Variants in PTAR1 observed in about 807,000 individuals in gnomAD.
PTAR1 encodes the protein protein prenyltransferase alpha subunit repeat containing 1, also known as protein prenyltransferase alpha subunit repeat-containing protein 1.
In PTAR1, 17 loss-of-function variants were observed where a neutral mutation model predicts 45.5. The ratio of observed to expected loss-of-function variants is 0.37; its 90% confidence interval spans 0.26 to 0.56. PTAR1 has a LOEUF of 0.56. PTAR1 is among the 20% of genes least tolerant of loss of function. The probability of loss-of-function intolerance (pLI) is 0.77; values close to 1 mark genes in which losing one functional copy is unlikely to be tolerated. For synonymous variants in PTAR1, 169 were observed against 171.3 expected (o/e 0.99, Z 0.11); for missense variants, 391 against 476.3 (o/e 0.82, Z 1.67).
intron 3 of PTAR1, among the ~76,000 whole-genome samples, chr9:69,739,793 T>G (rs1275544891): frequency 6.6e-6 from 1 of 152,216 alleles, no homozygotes; most frequent in Non-Finnish European, 1.5e-5. Context: ...TAAAATTTAC[T>G]AGAACACATA....
intron 5 of PTAR1, among the ~76,000 whole-genome samples, chr9:69,725,703 C>T (rs1396106359): frequency 2.0e-5 from 3 of 151,708 alleles, no homozygotes; most frequent in African/African-American, 7.3e-5. Flanking sequence ...TATAAAGATG[C>T]ATATTAGAAA....
intron 2 of PTAR1, among the ~76,000 whole-genome samples, chr9:69,746,974 TACC>T (rs1209591789): frequency 6.6e-6 from 1 of 152,182 alleles, no homozygotes; most frequent in Middle Eastern, 3.2e-3. Flanking sequence ...ACATTCAGGT[TACC>T]ACAAGAAGTG....
rs562475842 is a variant in PTAR1, at chr9:69,741,503, T to C, written c.323+289A>G. 2.7e-3 allele frequency: 923 copies of C among 338,104 alleles called. 5 individuals are homozygous for C. The highest frequency in any genetic ancestry group is 2.9e-3 in the Non-Finnish European group (528 of 181,286). The allele number at this position is 338,104 out of a possible 1,614,324, so 20.9% of individuals were successfully genotyped here. On this transcript the variant is annotated intron_variant, in intron 3 of 7. Coordinates refer to ENST00000340434, the MANE Select transcript of PTAR1 (RefSeq NM_001099666.2). ...CTTATAAGCCAACCAGTTATGCCCA[T>C]TGCCCATTAGTCTCCCACCCCAAAA...
Position 69,731,174 on chromosome 9 carries a change from C to T in PTAR1, c.642+965G>A, listed in dbSNP as rs568998005. On this transcript the variant is annotated intron_variant, in intron 5 of 7. Transcript: ENST00000340434. ...AAATCCTCTGGAAGTAAAAAGTCTC[C>T]CATTTGCCCTGGCCAGGAAACAAAG... 2.6e-5 allele frequency among the ~76,000 whole-genome samples: 4 copies of T among 152,146 alleles called. No homozygotes were observed. The East Asian group carries it at 7.7e-4, about 29-fold the overall frequency.
chr9:69,755,989 C>A (rs147801629), intron 1 of PTAR1, among the ~76,000 whole-genome samples: 1 of 152,172 alleles, frequency 6.6e-6, no homozygotes, highest in Non-Finnish European at 1.5e-5. Flanking sequence ...TAAGTCTACT[C>A]AGTTAATAAA....
Position 69,715,575 on chromosome 9 carries a change from G to C in PTAR1, c.*2767C>G, listed in dbSNP as rs961732041. On this transcript the variant is annotated 3_prime_UTR_variant, in exon 8 of 8. Transcript: ENST00000340434. ...TTAATCCACAGTAGGATGACCCACT[G>C]TTCTTCCAGTGAAAGTTTAATGAAA... 6.6e-6 allele frequency: 1 copy of C among 152,082 alleles called. No individual in the cohort carries two copies. The highest frequency in any genetic ancestry group is 1.5e-5 in the Non-Finnish European group (1 of 67,990). 9.4% of individuals were successfully genotyped at this position (152,082 alleles called of 1,614,324 possible). A position where few individuals can be genotyped will look rare whatever the true frequency, so the allele number is the denominator to read the frequency against.
At position 69,723,639 on chromosome 9, in the gene PTAR1, A is replaced by T. The variant is rs182078524; in HGVS notation, c.643-9T>A. On this transcript the variant is annotated splice_polypyrimidine_tract_variant and intron_variant, in intron 5 of 7. Coordinates refer to ENST00000340434, the MANE Select transcript of PTAR1 (RefSeq NM_001099666.2). ...AGTTCATCAAGAAGAATCTTTTAAG[A>T]AGAAAAAAGGGAAGTAAGAAGAAGA... 3.1e-6 allele frequency: 5 copies of T among 1,588,268 alleles called. No homozygotes were observed. The highest frequency in any genetic ancestry group is 3.5e-5 in the Admixed American group (2 of 56,768).
chr9:69,736,850 T>C (rs1159942243), intron 3 of PTAR1, among the ~76,000 whole-genome samples: 1 of 152,160 alleles, frequency 6.6e-6, no homozygotes, highest in Non-Finnish European at 1.5e-5. Flanking sequence ...TTAAGCAGCA[T>C]TTTTGGGAAG....
intron 1 of PTAR1, among the ~76,000 whole-genome samples, chr9:69,759,542 G>T (rs1465939914): frequency 6.6e-6 from 1 of 152,204 alleles, no homozygotes; most frequent in Non-Finnish European, 1.5e-5. Flanking sequence ...CAGGAAGGAT[G>T]TCGACCTACG....
At chr9:69,747,185 C>T (rs1290952457) in intron 2 of PTAR1, among the ~76,000 whole-genome samples, 1 of 152,244 alleles carries the variant, frequency 6.6e-6, no homozygotes, top group Admixed American at 6.5e-5. Flanking sequence ...AATAAACTCA[C>T]ATTCCAGCCA....
chr9:69,731,200 A>G (rs1373398626), intron 5 of PTAR1, among the ~76,000 whole-genome samples: 1 of 152,178 alleles, frequency 6.6e-6, no homozygotes, highest in East Asian at 1.9e-4. Flanking sequence ...GGAAACAAAG[A>G]GAGAAATGGG....
chr9:69,709,703 T>A lies in PTAR1; in HGVS notation c.*8639A>T, dbSNP rs771758761. On this transcript the variant is annotated 3_prime_UTR_variant, in exon 8 of 8. Coordinates refer to ENST00000340434, the MANE Select transcript of PTAR1 (RefSeq NM_001099666.2). ...TCTACTTTTCTGCCACTTATCACAG[T>A]GTAATAAGTGCCAGTAAGTCCTGGA... 23 of 152,078 alleles carry A rather than the reference T, an allele frequency of 1.5e-4. No homozygotes were observed. The highest frequency in any genetic ancestry group is 4.6e-4 in the Admixed American group (7 of 15,256). 9.4% of individuals were successfully genotyped at this position (152,078 alleles called of 1,614,324 possible).
rs188010769 is a variant in PTAR1 at position 69,734,345 on chromosome 9, T to C, written c.324-91A>G. Reference sequence around the variant, plus strand: ...TACATGGCTTTTAATATAATCTCATTGTGAAGCGAATGTCTAAGAATTTTA... The same window carrying C: ...TACATGGCTTTTAATATAATCTCATCGTGAAGCGAATGTCTAAGAATTTTA... On this transcript the variant is annotated intron_variant, in intron 3 of 7. Coordinates refer to ENST00000340434, the MANE Select transcript of PTAR1 (RefSeq NM_001099666.2). 154 of 579,316 alleles carry C rather than the reference T, an allele frequency of 2.7e-4. No individual in the cohort carries two copies. In the African/African-American group the frequency reaches 2.9e-3, roughly 11 times the overall value. 35.9% of individuals were successfully genotyped at this position (579,316 alleles called of 1,614,324 possible). A position where few individuals can be genotyped will look rare whatever the true frequency, so the allele number is the denominator to read the frequency against.
At chr9:69,752,357 T>C (rs867700130) in intron 1 of PTAR1, among the ~76,000 whole-genome samples, 4 of 152,070 alleles carry the variant, frequency 2.6e-5, no homozygotes, top group Non-Finnish European at 5.9e-5. Flanking sequence ...TCCTGGAAAC[T>C]AAACTGAATA....
intron 1 of PTAR1, among the ~76,000 whole-genome samples, chr9:69,751,752 T>C (rs10780610): frequency 0.9 from 136,190 of 152,004 alleles, 61,514 homozygotes; most frequent in Middle Eastern, 0.96. Flanking sequence ...CTTCTTTATA[T>C]TTTCCTGAAT....
In PTAR1 at chr9:69,714,464, A is replaced by C. The variant is rs564857272; in HGVS notation, c.*3878T>G. 1 of 152,002 alleles carries C rather than the reference A, an allele frequency of 6.6e-6. No individual in the cohort carries two copies. Among genetic ancestry groups the C allele is most frequent in the South Asian group, 2.1e-4 (1 of 4,828 alleles). 9.4% of individuals were successfully genotyped at this position (152,002 alleles called of 1,614,324 possible). A position where few individuals can be genotyped will look rare whatever the true frequency, so the allele number is the denominator to read the frequency against. On this transcript the variant is annotated 3_prime_UTR_variant, in exon 8 of 8. Coordinates refer to ENST00000340434, the MANE Select transcript of PTAR1 (RefSeq NM_001099666.2). ...TCTGCCATCTTGTGCTATGTAAGAG[A>C]AAATTATTAAACTGACAATTTGTTT...
intron 1 of PTAR1, chr9:69,758,702 C>T: frequency 2.4e-6 from 1 of 413,374 alleles, no homozygotes; most frequent in South Asian, 1.7e-5. Context: ...TTACAATCAT[C>T]ACCTTGGAGG....
At chr9:69,734,522 G>A (rs1825692656) in intron 3 of PTAR1, among the ~76,000 whole-genome samples, 1 of 151,970 alleles carries the variant, frequency 6.6e-6, no homozygotes, top group African/African-American at 2.4e-5. Flanking sequence ...AGATTTTAAC[G>A]ATTTTTAAAT....
chr9:69,732,366 AT>A lies in PTAR1; in HGVS notation c.429-15del. 6.4e-7 allele frequency: 1 copy of A among 1,572,682 alleles called. No individual in the cohort carries two copies. Among genetic ancestry groups the A allele is most frequent in the Non-Finnish European group, 8.8e-7 (1 of 1,142,428 alleles). On this transcript the variant is annotated splice_polypyrimidine_tract_variant and intron_variant, in intron 4 of 7. Transcript: ENST00000340434. ...AGCACCCATCGCCTGTTAAGGCAGC[AT>A]GTGGGAAAGAGAACACAGAAAGAAC...
Sources: allele counts gnomAD v4.1 joint callset (sites outside exome capture counted in the v4.1 genomes callset), GRCh38; gene constraint gnomAD v4.1.1; transcripts MANE v1.5; gene names NCBI Gene and HGNC (gene_info 2026-07-23, HGNC 2026-07-21).